The following MGMT variants were observed in gnomAD, a reference collection of about 807,000 sequenced individuals.
MGMT encodes the protein methylated-DNA--protein-cysteine methyltransferase.
MGMT carries 14 observed loss-of-function variants against 15.9 expected under a neutral mutation model. The ratio of observed to expected loss-of-function variants is 0.88; its 90% confidence interval spans 0.58 to 1.37. MGMT has a LOEUF of 1.37. Among genes scored for constraint, MGMT ranks in the 40% most tolerant of loss-of-function variants. The probability of loss-of-function intolerance (pLI) is 0.00; values close to 1 mark genes in which losing one functional copy is unlikely to be tolerated. For synonymous variants in MGMT, 130 were observed against 118.2 expected (o/e 1.10, Z -0.65); for missense variants, 282 against 268.1 (o/e 1.05, Z -0.36).
chr10:129,516,815 C>T (rs1311916491), intron 1 of MGMT, among the ~76,000 whole-genome samples: 5 of 152,124 alleles, frequency 3.3e-5, no homozygotes, highest in Non-Finnish European at 7.4e-5. Context: ...TTTGGAAACT[C>T]AGCCAGGTTT....
At chr10:129,648,927 T>C (rs1425443096) in intron 2 of MGMT, among the ~76,000 whole-genome samples, 2 of 152,200 alleles carry the variant, frequency 1.3e-5, no homozygotes, top group African/African-American at 4.8e-5. Flanking sequence ...TAAGACCAGT[T>C]AAAAGCATCT....
At chr10:129,762,065 G>A (rs1202028233) in intron 4 of MGMT, among the ~76,000 whole-genome samples, 3 of 152,246 alleles carry the variant, frequency 2.0e-5, no homozygotes, top group African/African-American at 7.2e-5. Flanking sequence ...GCTAGAGGAA[G>A]GGCGCTGGCC....
intron 1 of MGMT, among the ~76,000 whole-genome samples, chr10:129,475,218 T>C (rs1845277380): frequency 6.6e-6 from 1 of 151,208 alleles, no homozygotes; most frequent in Non-Finnish European, 1.5e-5. Context: ...CGGGGTGGGG[T>C]GGGGAGCATT....
At chr10:129,554,483 CGTG>C (rs1293953453) in intron 2 of MGMT, among the ~76,000 whole-genome samples, 1 of 152,060 alleles carries the variant, frequency 6.6e-6, no homozygotes, top group African/African-American at 2.4e-5. Flanking sequence ...CGTGGTTGTA[CGTG>C]GTGGTATTTT....
intron 1 of MGMT, among the ~76,000 whole-genome samples, chr10:129,469,335 C>T (rs1845205044): frequency 6.6e-6 from 1 of 152,196 alleles, no homozygotes; most frequent in African/African-American, 2.4e-5. Flanking sequence ...GCCAGTGATT[C>T]AGACCTTCCA....
At chr10:129,536,087 C>A (rs1482833089) in intron 1 of MGMT, among the ~76,000 whole-genome samples, 154 bp from the exon 2 acceptor site, 1 of 152,134 alleles carries the variant, frequency 6.6e-6, no homozygotes, top group African/African-American at 2.4e-5. Context: ...TCAGAGTAAT[C>A]ATATTGTGAA....
rs948829346 is a variant in MGMT, at chr10:129,533,628, T to C, written c.-12-2613T>C. Among the ~76,000 whole-genome samples, 7 of 152,226 alleles carry C rather than the reference T, an allele frequency of 4.6e-5. No homozygotes were observed. The highest frequency in any genetic ancestry group is 1.4e-4 in the African/African-American group (6 of 41,462). ...GTCTGACCAGTATCTTCTGTGAACA[T>C]ACTTTGGGAAATGATCTCATGGACG... is the stretch of plus-strand genomic sequence containing the variant. On this transcript the variant is annotated intron_variant, in intron 1 of 4. Transcript: ENST00000651593. The surrounding 1 kb of genome is among the most constrained non-coding windows in gnomAD (Gnocchi z 4.5).
intron 2 of MGMT, among the ~76,000 whole-genome samples, chr10:129,697,432 T>C (rs1848044764): frequency 1.3e-5 from 2 of 152,194 alleles, no homozygotes; most frequent in Non-Finnish European, 2.9e-5. Context: ...TTTCATTCCA[T>C]TCCTGGGTCT....
chr10:129,497,699 T>A (rs1000641616), intron 1 of MGMT, among the ~76,000 whole-genome samples: 2 of 152,174 alleles, frequency 1.3e-5, no homozygotes, highest in Non-Finnish European at 2.9e-5. Context: ...GTGTTGAAAC[T>A]CTACCCCCAT....
At chr10:129,577,981 A>T (rs1295638868) in intron 2 of MGMT, among the ~76,000 whole-genome samples, 3 of 152,224 alleles carry the variant, frequency 2.0e-5, no homozygotes, top group Admixed American at 1.3e-4. Flanking sequence ...AACCACAATG[A>T]GATGCCATCT....
chr10:129,708,131 A>G (rs1848189517), intron 3 of MGMT, 88 bp downstream of exon 3: 1 of 1,487,636 alleles, frequency 6.7e-7, no homozygotes, highest in African/African-American at 1.4e-5. Flanking sequence ...TATTGAGTAT[A>G]CCAACTTGGT....
chr10:129,631,131 T>G (rs1352046421), intron 2 of MGMT, among the ~76,000 whole-genome samples: 1 of 152,090 alleles, frequency 6.6e-6, no homozygotes, highest in East Asian at 1.9e-4. Flanking sequence ...CTTTTATTTA[T>G]GTTAATGAAA....
intron 2 of MGMT, among the ~76,000 whole-genome samples, chr10:129,592,396 C>T (rs1195238585): frequency 2.0e-5 from 3 of 152,174 alleles, no homozygotes; most frequent in Non-Finnish European, 2.9e-5. Context: ...GTGTGAATTT[C>T]GGTAGTGTGC....
intron 2 of MGMT, among the ~76,000 whole-genome samples, chr10:129,637,461 G>A (rs894281619): frequency 6.6e-6 from 1 of 152,156 alleles, no homozygotes; most frequent in Admixed American, 6.5e-5. Context: ...CTGGCAGAAT[G>A]AACCACTTGA....
At chr10:129,667,751 C>T (rs961420375) in intron 2 of MGMT, among the ~76,000 whole-genome samples, 2 of 152,200 alleles carry the variant, frequency 1.3e-5, no homozygotes, top group Non-Finnish European at 2.9e-5. Context: ...TGTTGCTCCA[C>T]TCGGGTGCCC....
At chr10:129,765,071 C>T (rs980326140) in intron 4 of MGMT, among the ~76,000 whole-genome samples, 1 of 152,090 alleles carries the variant, frequency 6.6e-6, no homozygotes, top group Non-Finnish European at 1.5e-5. Flanking sequence ...TGGTCATGCT[C>T]ATTGGCAGTT....
intron 2 of MGMT, among the ~76,000 whole-genome samples, chr10:129,565,302 A>AG (rs901734246): frequency 6.6e-6 from 1 of 152,120 alleles, no homozygotes; most frequent in African/African-American, 2.4e-5. Flanking sequence ...TAAAAAAAAA[A>AG]AAAATAGTGA....
intron 2 of MGMT, among the ~76,000 whole-genome samples, chr10:129,575,804 G>A (rs923695816): frequency 6.6e-5 from 10 of 151,930 alleles, no homozygotes; most frequent in Non-Finnish European, 1.3e-4. Context: ...TAATAAAGAA[G>A]AAAAGAGAGA....
intron 2 of MGMT, among the ~76,000 whole-genome samples, chr10:129,695,620 C>T (rs1313176792): frequency 6.6e-6 from 1 of 152,176 alleles, no homozygotes; most frequent in Non-Finnish European, 1.5e-5. Context: ...AGTCTGTAAG[C>T]TGTGTGGAGA....
Sources: gnomAD v4.1 joint callset for allele counts (sites outside exome capture counted in the v4.1 genomes callset) on GRCh38, gnomAD v4.1.1 for gene constraint, Gnocchi (gnomAD v3.1) non-coding constraint, MANE v1.5 for transcripts, NCBI Gene and HGNC (gene_info 2026-07-23, HGNC 2026-07-21) for gene names.